The following WIPF3 variants were observed in gnomAD, a reference collection of about 807,000 sequenced individuals.
WIPF3 encodes the protein WAS/WASL-interacting protein family member 3.
WIPF3 carries 33 observed loss-of-function variants against 38.9 expected under a neutral mutation model. That is an observed-to-expected ratio of 0.85 (90% CI 0.64 to 1.14). WIPF3 has a LOEUF of 1.14. WIPF3 is among the 50% of genes most tolerant of loss of function. The pLI is 0.00. For missense variants in WIPF3, 711 were observed against 652.5 expected (o/e 1.09, Z -0.98); for synonymous variants, 324 against 269.3 (o/e 1.20, Z -1.99).
chr7:29,821,672 T>G (rs1784538682), intron 1 of WIPF3, among the ~76,000 whole-genome samples: 1 of 152,230 alleles, frequency 6.6e-6, no homozygotes, highest in African/African-American at 2.4e-5. Context: ...GTTTGAATAT[T>G]TGTTCTCTTC....
At chr7:29,872,998 A>G (rs1785526490) in intron 2 of WIPF3, among the ~76,000 whole-genome samples, 1 of 152,042 alleles carries the variant, frequency 6.6e-6, no homozygotes, top group Non-Finnish European at 1.5e-5. Flanking sequence ...GCTGACTTGG[A>G]AGATGTTTAC....
chr7:29,857,846 C>T (rs1785211320), intron 2 of WIPF3, among the ~76,000 whole-genome samples: 1 of 152,226 alleles, frequency 6.6e-6, no homozygotes, highest in Admixed American at 6.5e-5. Context: ...TGTACACCCA[C>T]TGCTGCCACA....
chr7:29,882,276 C>T (rs1785735989), intron 4 of WIPF3, among the ~76,000 whole-genome samples: 1 of 152,212 alleles, frequency 6.6e-6, no homozygotes, highest in Admixed American at 6.5e-5. Flanking sequence ...TTCATTATCC[C>T]TTTCAATTTC....
intron 2 of WIPF3, among the ~76,000 whole-genome samples, chr7:29,874,981 C>T (rs1203973193): frequency 2.0e-5 from 3 of 152,190 alleles, no homozygotes; most frequent in Non-Finnish European, 4.4e-5. Flanking sequence ...AACCCCAGCC[C>T]TGTAGCCTCA....
At position 29,884,533 on chromosome 7, in the gene WIPF3, G is replaced by A; in HGVS notation, c.1039G>A (p.Ala347Thr). The A allele has an allele frequency of 6.3e-7, 1 of 1,590,930 alleles. No homozygotes were observed. The highest frequency in any genetic ancestry group is 8.5e-7 in the Non-Finnish European group (1 of 1,170,608). ...GAAGGCCGGTGCGCAGGCCTTGCCC[G>A]CCCCGCCTGCCCCTCCGGGCTCCCA... ...PQKAGAQALPAPPAPPGSQPF... is the reference protein window; with the variant it reads ...PQKAGAQALPTPPAPPGSQPF... The change falls in exon 5 of 9, where the codon GCC (alanine) becomes ACC (threonine). Residue 347 changes from alanine (A) to threonine (T), a missense_variant. Transcript: ENST00000242140.
chr7:29,885,393 C>T (rs988534478), intron 5 of WIPF3, among the ~76,000 whole-genome samples: 3 of 152,204 alleles, frequency 2.0e-5, no homozygotes, highest in Non-Finnish European at 4.4e-5. Flanking sequence ...CACACACATC[C>T]ACATGCACAC....
At chr7:29,840,672 A>C (rs561534351) in intron 2 of WIPF3, among the ~76,000 whole-genome samples, 52 of 152,378 alleles carry the variant, frequency 3.4e-4, no homozygotes, top group South Asian at 1.4e-3. Context: ...GAAGGTAGAA[A>C]GCATGGTAAG....
chr7:29,897,350 T>C (rs917432789), intron 7 of WIPF3, among the ~76,000 whole-genome samples: 1 of 152,236 alleles, frequency 6.6e-6, no homozygotes, highest in African/African-American at 2.4e-5. Flanking sequence ...TGCTGGATCG[T>C]ATGGTAATTC....
chr7:29,909,516 A>G (rs1786464151), intron 8 of WIPF3, among the ~76,000 whole-genome samples: 1 of 152,244 alleles, frequency 6.6e-6, no homozygotes, highest in South Asian at 2.1e-4. Flanking sequence ...AGTATTATAA[A>G]TACTTTTATG....
chr7:29,909,019 AG>A (rs1277059297), intron 8 of WIPF3, among the ~76,000 whole-genome samples: 5 of 152,132 alleles, frequency 3.3e-5, no homozygotes, highest in African/African-American at 1.2e-4. Flanking sequence ...ACAAATTTGT[AG>A]AAATTAAACA....
intron 2 of WIPF3, among the ~76,000 whole-genome samples, chr7:29,848,865 C>T (rs963177768): frequency 6.6e-6 from 1 of 151,844 alleles, no homozygotes; most frequent in African/African-American, 2.4e-5. Flanking sequence ...CCTGGAGGCT[C>T]AATTGTACTA....
intron 8 of WIPF3, among the ~76,000 whole-genome samples, chr7:29,911,435 C>G (rs1786503312): frequency 6.6e-6 from 1 of 152,026 alleles, no homozygotes; most frequent in African/African-American, 2.4e-5. Context: ...TCCTAAAATT[C>G]ATATGGAATC....
chr7:29,853,179 T>C (rs73686251), intron 2 of WIPF3, among the ~76,000 whole-genome samples: 4,459 of 152,286 alleles, frequency 0.029, 208 homozygotes, highest in African/African-American at 0.093. Context: ...CTGGAGAGAC[T>C]GTGTGGAGCC....
chr7:29,868,334 T>C (rs1239036920), intron 2 of WIPF3, among the ~76,000 whole-genome samples: 1 of 152,054 alleles, frequency 6.6e-6, no homozygotes, highest in East Asian at 1.9e-4. Context: ...AGGAAAGATA[T>C]CTTGGGACAG....
chr7:29,911,543 G>A (rs185708203), intron 8 of WIPF3, among the ~76,000 whole-genome samples: 5 of 152,124 alleles, frequency 3.3e-5, no homozygotes, highest in Non-Finnish European at 7.4e-5. Context: ...AATCAAAACA[G>A]TGTGGTACTG....
intron 7 of WIPF3, among the ~76,000 whole-genome samples, chr7:29,903,195 GA>G (rs1786323066): frequency 6.6e-6 from 1 of 152,150 alleles, no homozygotes; most frequent in South Asian, 2.1e-4. Context: ...TCAGGAGGCT[GA>G]GGTGGAAGGA....
chr7:29,877,679 T>C (rs1196607115), intron 3 of WIPF3, among the ~76,000 whole-genome samples: 4 of 152,190 alleles, frequency 2.6e-5, no homozygotes, highest in East Asian at 1.9e-4. Context: ...CACCTTTGCT[T>C]TCTGATGGCT....
intron 1 of WIPF3, among the ~76,000 whole-genome samples, chr7:29,814,355 T>A (rs777611581): frequency 1.3e-5 from 2 of 152,236 alleles, no homozygotes; most frequent in Non-Finnish European, 2.9e-5. Flanking sequence ...AAGCTATCAT[T>A]TGTGGGCAGG....
At chr7:29,870,130 G>A (rs959875285) in intron 2 of WIPF3, among the ~76,000 whole-genome samples, 12 of 152,144 alleles carry the variant, frequency 7.9e-5, no homozygotes, top group African/African-American at 2.9e-4. Flanking sequence ...AGAGGCAAGT[G>A]TAAAAAGAGC....
Sources: gnomAD v4.1 joint callset for allele counts (sites outside exome capture counted in the v4.1 genomes callset) on GRCh38, gnomAD v4.1.1 for gene constraint, MANE v1.5 for transcripts, NCBI Gene and HGNC (gene_info 2026-07-23, HGNC 2026-07-21) for gene names.